Variants in EXOC4 observed in about 807,000 individuals in gnomAD.
EXOC4 encodes the protein SEC8-like 1.
In EXOC4, 71 loss-of-function variants were observed where a neutral mutation model predicts 107.2. The ratio of observed to expected loss-of-function variants is 0.66; its 90% CI spans 0.55 to 0.81. The LOEUF (loss-of-function observed/expected upper bound fraction) is 0.81. Ranked by LOEUF, EXOC4 falls within the 30% of genes least tolerant of loss-of-function variation. The probability of loss-of-function intolerance (pLI) is 0.00; values close to 1 mark genes in which losing one functional copy is unlikely to be tolerated. For missense variants in EXOC4, 1,108 were observed against 1,189.6 expected (o/e 0.93, Z 1.01); for synonymous variants, 456 against 441.2 (o/e 1.03, Z -0.42).
intron 7 of EXOC4, among the ~76,000 whole-genome samples, chr7:133,451,094 C>T (rs1448312615): frequency 1.3e-5 from 2 of 152,168 alleles, no homozygotes; most frequent in East Asian, 3.9e-4. Flanking sequence ...TTTCCTTCCA[C>T]TGATGCAACA....
chr7:134,099,892 A>G, the EXOC4 span, among the ~76,000 whole-genome samples: 1 of 151,764 alleles, frequency 6.6e-6, no homozygotes, highest in Non-Finnish European at 1.5e-5. Flanking sequence ...TTTTTAGTAG[A>G]TACAAGGTTT....
chr7:133,317,172 C>T, intron 4 of EXOC4, 112 bp from the exon 5 acceptor site: 2 of 698,822 alleles, frequency 2.9e-6, no homozygotes, highest in South Asian at 1.7e-5. Flanking sequence ...GATCCAGTTC[C>T]AGTGTAAAGA....
At chr7:133,370,360 T>C (rs73148941) in intron 6 of EXOC4, among the ~76,000 whole-genome samples, 1 of 152,032 alleles carries the variant, frequency 6.6e-6, no homozygotes, top group African/African-American at 2.4e-5. Flanking sequence ...TCAACCAGTA[T>C]GTGTAAAATA....
chr7:134,038,989 T>C (rs1342616362), intron 17 of EXOC4, among the ~76,000 whole-genome samples: 2 of 152,210 alleles, frequency 1.3e-5, no homozygotes, highest in Non-Finnish European at 2.9e-5. Context: ...TGTTCCCACT[T>C]CTGGAGATCC....
intron 10 of EXOC4, among the ~76,000 whole-genome samples, chr7:133,790,623 A>G (rs576619970): frequency 2.0e-5 from 3 of 152,388 alleles, no homozygotes; most frequent in South Asian, 2.1e-4. Flanking sequence ...AATTCGTCAT[A>G]TAATTCATTT....
intron 3 of EXOC4, 105 bp from the exon 4 acceptor site, chr7:133,305,772 C>A: frequency 1.2e-6 from 1 of 849,616 alleles, no homozygotes; most frequent in Non-Finnish European, 1.6e-6. Flanking sequence ...ATAAAGTTCT[C>A]GTAAGCTCCC....
chr7:134,077,029 T>C, the EXOC4 span, among the ~76,000 whole-genome samples: 1 of 151,570 alleles, frequency 6.6e-6, no homozygotes, highest in Admixed American at 6.6e-5. Flanking sequence ...ATTATGGGAG[T>C]TGGCTCACAT....
chr7:134,057,476 G>A (rs1463782774), intron 17 of EXOC4, among the ~76,000 whole-genome samples: 1 of 152,004 alleles, frequency 6.6e-6, no homozygotes, highest in African/African-American at 2.4e-5. Flanking sequence ...TCCTAAAATG[G>A]AAATAACTTC....
At chr7:133,347,892 T>C (rs1347866936) in intron 5 of EXOC4, among the ~76,000 whole-genome samples, 1 of 152,160 alleles carries the variant, frequency 6.6e-6, no homozygotes, top group East Asian at 1.9e-4. Flanking sequence ...TCTTTACTCA[T>C]TAAGACCCTC....
At chr7:133,741,867 T>C (rs1205252888) in intron 10 of EXOC4, among the ~76,000 whole-genome samples, 1 of 152,148 alleles carries the variant, frequency 6.6e-6, no homozygotes, top group Non-Finnish European at 1.5e-5. Flanking sequence ...CAGTGATTTG[T>C]TTGCCATTTG....
chr7:133,752,564 A>G (rs985696002), intron 10 of EXOC4, among the ~76,000 whole-genome samples: 4 of 152,244 alleles, frequency 2.6e-5, no homozygotes, highest in Non-Finnish European at 4.4e-5. Context: ...CAGGAAGGAC[A>G]TAGTCTATGC....
At chr7:133,356,297 T>C in intron 5 of EXOC4, 33 bp from the exon 6 acceptor site, 1 of 1,608,386 alleles carries the variant, frequency 6.2e-7, no homozygotes, top group South Asian at 1.1e-5. Context: ...GAGTGGAGTC[T>C]GTATCTATTA....
intron 9 of EXOC4, among the ~76,000 whole-genome samples, chr7:133,627,140 A>C (rs1209421406): frequency 6.6e-6 from 1 of 152,234 alleles, no homozygotes; most frequent in South Asian, 2.1e-4. Flanking sequence ...GTTAAGGTTC[A>C]TAATGGGTTA....
intron 9 of EXOC4, among the ~76,000 whole-genome samples, chr7:133,524,598 A>C (rs933254357): frequency 1.3e-5 from 2 of 150,004 alleles, no homozygotes; most frequent in Non-Finnish European, 3.0e-5. Flanking sequence ...TCTTTAATCC[A>C]TCTTGAATTG....
At chr7:133,640,034 C>T (rs9655884) in intron 10 of EXOC4, among the ~76,000 whole-genome samples, 150,378 of 152,282 alleles carry the variant, frequency 0.99, 74,281 homozygotes, top group Middle Eastern at 1. Context: ...GCTATACATA[C>T]ATACATTCAA....
intron 7 of EXOC4, among the ~76,000 whole-genome samples, chr7:133,401,647 G>C (rs1448077736): frequency 7.4e-6 from 1 of 135,842 alleles, no homozygotes; most frequent in Non-Finnish European, 1.6e-5. Flanking sequence ...GGGTGACCCT[G>C]TCTTAAAAAA....
intron 7 of EXOC4, among the ~76,000 whole-genome samples, chr7:133,457,457 G>A (rs1172669787): frequency 6.6e-6 from 1 of 152,188 alleles, no homozygotes; most frequent in Non-Finnish European, 1.5e-5. Context: ...GCACCAGCAA[G>A]AAGCAAGTGC....
At chr7:133,352,178 T>G (rs1019114410) in intron 5 of EXOC4, among the ~76,000 whole-genome samples, 1 of 151,988 alleles carries the variant, frequency 6.6e-6, no homozygotes, top group African/African-American at 2.4e-5. Flanking sequence ...GTTCTGTATG[T>G]GTCTGTTAGA....
intron 9 of EXOC4, among the ~76,000 whole-genome samples, chr7:133,513,562 A>G (rs2150901815): frequency 6.6e-6 from 1 of 152,322 alleles, no homozygotes. Context: ...CTTGATTTAA[A>G]TGATCCAGTA....
Sources: gnomAD v4.1 joint callset for allele counts (sites outside exome capture counted in the v4.1 genomes callset) on GRCh38, gnomAD v4.1.1 for gene constraint, MANE v1.5 for transcripts, NCBI Gene and HGNC (gene_info 2026-07-23, HGNC 2026-07-21) for gene names.